FSTL5: variants seen among roughly 807,000 people sequenced by gnomAD.
FSTL5 encodes follistatin like 5, also known as follistatin-related protein 5.
Under a neutral mutation model 89.1 loss-of-function variants are expected in FSTL5, and 62 were observed. That is an observed-to-expected ratio of 0.70 (90% CI 0.57 to 0.86). The LOEUF is 0.86. FSTL5 is among the 40% of genes least tolerant of loss of function. FSTL5 has a pLI of 0.00. For missense variants in FSTL5, 1,057 were observed against 1,001.6 expected, an observed-to-expected ratio of 1.06 and a Z score of -0.75; for synonymous variants, 383 against 346.2, an observed-to-expected ratio of 1.11 and a Z score of -1.18.
chr4:161,497,896 T>C (rs1730140847), intron 12 of FSTL5, among the ~76,000 whole-genome samples: 1 of 151,916 alleles, frequency 6.6e-6, no homozygotes, highest in Non-Finnish European at 1.5e-5. Flanking sequence ...TTCTATTTCC[T>C]CTTTAATATT....
chr4:161,602,013 A>C (rs1734258193), intron 7 of FSTL5, among the ~76,000 whole-genome samples: 1 of 152,096 alleles, frequency 6.6e-6, no homozygotes, highest in African/African-American at 2.4e-5. Context: ...CTATTATTGA[A>C]AAAATTAGAA....
intron 14 of FSTL5, among the ~76,000 whole-genome samples, chr4:161,457,653 A>G (rs909291152): frequency 6.6e-6 from 1 of 152,130 alleles, no homozygotes; most frequent in Non-Finnish European, 1.5e-5. Flanking sequence ...TTAAAAAAAA[A>G]GACATGAAAA....
chr4:161,423,237 A>C (rs1030404108), intron 15 of FSTL5, among the ~76,000 whole-genome samples: 28 of 152,180 alleles, frequency 1.8e-4, no homozygotes, highest in African/African-American at 6.3e-4. Context: ...ATAAATAAAA[A>C]CAGTGTTGAG....
At chr4:161,478,150 A>G (rs1265302225) in intron 13 of FSTL5, among the ~76,000 whole-genome samples, 2 of 152,128 alleles carry the variant, frequency 1.3e-5, no homozygotes, top group Admixed American at 6.5e-5. Context: ...AATTGTAGCA[A>G]GTAGTATTAT....
chr4:161,606,560 G>A (rs909855141), intron 7 of FSTL5, among the ~76,000 whole-genome samples: 2 of 152,074 alleles, frequency 1.3e-5, no homozygotes, highest in Admixed American at 6.6e-5. Context: ...TGTCATGTAT[G>A]TAGCAAAAAC....
At chr4:161,973,716 G>A (rs1253829372) in intron 3 of FSTL5, among the ~76,000 whole-genome samples, 1 of 152,156 alleles carries the variant, frequency 6.6e-6, no homozygotes, top group East Asian at 1.9e-4. Flanking sequence ...CAATTTTGAT[G>A]ACAAGAGAGT....
chr4:162,040,687 T>G (rs1737916626), intron 2 of FSTL5, among the ~76,000 whole-genome samples: 1 of 152,134 alleles, frequency 6.6e-6, no homozygotes, highest in Non-Finnish European at 1.5e-5. Context: ...CTTTGTTTAA[T>G]CAAAATCTTA....
chr4:161,494,002 G>T (rs1578876445), intron 12 of FSTL5, among the ~76,000 whole-genome samples: 1 of 152,122 alleles, frequency 6.6e-6, no homozygotes, highest in African/African-American at 2.4e-5. Flanking sequence ...TTATAAAACA[G>T]TGTGATTACT....
intron 3 of FSTL5, among the ~76,000 whole-genome samples, chr4:162,014,716 A>G (rs548203162): frequency 6.6e-6 from 1 of 152,316 alleles, no homozygotes; most frequent in African/African-American, 2.4e-5. Flanking sequence ...TGACAGGCTC[A>G]GAACATATTG....
chr4:161,614,180 C>G (rs1010911454), intron 7 of FSTL5, among the ~76,000 whole-genome samples: 5 of 151,966 alleles, frequency 3.3e-5, no homozygotes, highest in Non-Finnish European at 5.9e-5. Flanking sequence ...AATTATTGTA[C>G]CTCAAAATTA....
At chr4:161,850,882 G>A (rs1177599644) in intron 4 of FSTL5, among the ~76,000 whole-genome samples, 1 of 152,132 alleles carries the variant, frequency 6.6e-6, no homozygotes, top group Non-Finnish European at 1.5e-5. Context: ...CATGGATGGA[G>A]CTGGGGTCTG....
chr4:161,752,638 TCCTTA>T (rs1740438143), intron 6 of FSTL5, among the ~76,000 whole-genome samples: 1 of 152,176 alleles, frequency 6.6e-6, no homozygotes, highest in Non-Finnish European at 1.5e-5. Context: ...CATCAATTCT[TCCTTA>T]GTAAAATGTC....
Position 161,973,807 on chromosome 4 carries a change from G to C in FSTL5, c.161-53155C>G, listed in dbSNP as rs145711639. On this transcript the variant is annotated intron_variant, in intron 3 of 15. Transcript: ENST00000306100. ...TCAAATAAAGGTAGGGGCCAAGTCA[G>C]AGTCACTTAAAAGATTATCTCCCGA... Among the ~76,000 whole-genome samples, 1,166 of 152,224 alleles carry C rather than the reference G, an allele frequency of 7.7e-3. 24 individuals are homozygous for C. The highest frequency in any genetic ancestry group is 0.026 in the African/African-American group (1,097 of 41,516).
intron 6 of FSTL5, among the ~76,000 whole-genome samples, chr4:161,705,807 T>G (rs189466952): frequency 0.01 from 1,557 of 150,218 alleles, 20 homozygotes; most frequent in African/African-American, 0.035. Context: ...ATAATGATGA[T>G]TTTATTGTAA....
At chr4:161,890,686 T>TAAAAA (rs5863497) in intron 4 of FSTL5, among the ~76,000 whole-genome samples, 4 of 115,056 alleles carry the variant, frequency 3.5e-5, no homozygotes, top group East Asian at 2.6e-4. Flanking sequence ...AGACTCTGTC[T>TAAAAA]AAAAAAAAAA....
intron 6 of FSTL5, among the ~76,000 whole-genome samples, chr4:161,668,849 C>T (rs575954351): frequency 2.6e-5 from 4 of 151,992 alleles, no homozygotes; most frequent in African/African-American, 9.7e-5. Flanking sequence ...CGGTGGCTCA[C>T]GCCTGTAATC....
chr4:161,519,553 A>G (rs1730956536), intron 10 of FSTL5, among the ~76,000 whole-genome samples: 1 of 152,122 alleles, frequency 6.6e-6, no homozygotes, highest in South Asian at 2.1e-4. Flanking sequence ...AACAAAAAAT[A>G]ACGAAATTTC....
At chr4:161,392,631 T>C (rs1275259465) in intron 15 of FSTL5, among the ~76,000 whole-genome samples, 2 of 152,164 alleles carry the variant, frequency 1.3e-5, no homozygotes, top group African/African-American at 4.8e-5. Context: ...GACAACTATG[T>C]CTTAAGGTGG....
chr4:161,493,719 G>A (rs561102959), intron 12 of FSTL5, among the ~76,000 whole-genome samples: 5 of 152,100 alleles, frequency 3.3e-5, no homozygotes, highest in Admixed American at 2.0e-4. Flanking sequence ...TATTTGTAAA[G>A]CGTGCGGAAT....
Sources: gnomAD v4.1 joint callset for allele counts (sites outside exome capture counted in the v4.1 genomes callset) on GRCh38, gnomAD v4.1.1 for gene constraint, MANE v1.5 for transcripts, NCBI Gene and HGNC (gene_info 2026-07-23, HGNC 2026-07-21) for gene names.